LIMA1: variants seen among roughly 807,000 people sequenced by gnomAD.
The protein encoded by LIMA1 is LIM domain and actin binding 1.
A neutral mutation model predicts 62.6 loss-of-function variants in LIMA1; 52 were observed. The observed-to-expected ratio is 0.83, with a 90% CI of 0.67 to 1.05. LIMA1 has a LOEUF of 1.05. Ranked by LOEUF, LIMA1 falls within the 50% of genes least tolerant of loss-of-function variation. The pLI, the probability that LIMA1 is intolerant of heterozygous loss-of-function variation, is 0.00. For synonymous variants in LIMA1, 302 were observed against 317.8 expected (o/e 0.95, Z 0.53); for missense variants, 780 against 902.2 (o/e 0.86, Z 1.74).
chr12:50,196,727 A>G (rs962396928), intron 7 of LIMA1, among the ~76,000 whole-genome samples: 2 of 152,196 alleles, frequency 1.3e-5, no homozygotes, highest in African/African-American at 4.8e-5. Context: ...GATGTCTGAC[A>G]AACTGAATAG....
intron 4 of LIMA1, among the ~76,000 whole-genome samples, chr12:50,220,971 T>C (rs562068306): frequency 6.6e-6 from 1 of 152,324 alleles, no homozygotes; most frequent in South Asian, 2.1e-4. Context: ...CAAGAACTTT[T>C]CTAATTCTAA....
At chr12:50,212,317 C>T (rs934315308) in intron 4 of LIMA1, among the ~76,000 whole-genome samples, 2 of 152,128 alleles carry the variant, frequency 1.3e-5, no homozygotes, top group African/African-American at 2.4e-5. Context: ...TTCCTTTGGA[C>T]GCTGTCATCT....
At chr12:50,227,029 G>A (rs1941540348) in intron 3 of LIMA1, among the ~76,000 whole-genome samples, 1 of 149,526 alleles carries the variant, frequency 6.7e-6, no homozygotes. Flanking sequence ...TGTATATGAT[G>A]TTATTCATCC....
chr12:50,236,145 A>G lies in LIMA1; in HGVS notation c.120-4435T>C, dbSNP rs1262769243. ...GCACCACTGCACTCTGGCCTGGGTG[A>G]CAGAGCCAGACTCCATCTCAAAAAA... On this transcript the variant is annotated intron_variant, in intron 2 of 10. Coordinates refer to ENST00000341247, the MANE Select transcript of LIMA1 (RefSeq NM_016357.5). Among the ~76,000 whole-genome samples the G allele has an allele frequency of 2.6e-5, 4 of 152,024 alleles. No homozygotes were observed. In the East Asian group the frequency reaches 7.8e-4, roughly 30 times the overall value.
chr12:50,250,880 G>A (rs116883031), intron 1 of LIMA1, among the ~76,000 whole-genome samples: 1 of 152,208 alleles, frequency 6.6e-6, no homozygotes, highest in East Asian at 1.9e-4. Flanking sequence ...GTATTCTTAT[G>A]AGAAATAAAT....
At chr12:50,188,740 C>T (rs559918613) in intron 9 of LIMA1, 5 of 152,316 alleles carry the variant, frequency 3.3e-5, no homozygotes, top group Admixed American at 1.3e-4. Context: ...CCGCTCACCC[C>T]GTGGAACTTG....
At chr12:50,262,441 G>A (rs939110987) in intron 1 of LIMA1, among the ~76,000 whole-genome samples, 8 of 152,024 alleles carry the variant, frequency 5.3e-5, no homozygotes, top group Non-Finnish European at 1.2e-4. Flanking sequence ...CAACTCTAGT[G>A]TCAGAGGTTC....
chr12:50,246,231 C>CAAA (rs923214910), intron 2 of LIMA1, among the ~76,000 whole-genome samples: 2 of 51,388 alleles, frequency 3.9e-5, no homozygotes, highest in Admixed American at 2.1e-4. Flanking sequence ...GACTCCATCT[C>CAAA]AAAAAAAAAA....
intron 10 of LIMA1, among the ~76,000 whole-genome samples, chr12:50,181,013 G>A (rs1010998741): frequency 5.3e-5 from 8 of 150,992 alleles, no homozygotes; most frequent in Middle Eastern, 3.4e-3. Flanking sequence ...TTGGGAGGCT[G>A]AGGCAGGAGA....
intron 10 of LIMA1, among the ~76,000 whole-genome samples, chr12:50,181,365 A>C (rs915494665): frequency 1.3e-5 from 2 of 152,206 alleles, no homozygotes; most frequent in Non-Finnish European, 2.9e-5. Context: ...GTAAGACTCT[A>C]TGATTAAAAT....
chr12:50,254,641 C>G (rs1206379129), intron 1 of LIMA1, among the ~76,000 whole-genome samples: 1 of 152,166 alleles, frequency 6.6e-6, no homozygotes, highest in Admixed American at 6.5e-5. Flanking sequence ...GGGAAATCTG[C>G]CCCAGGTATC....
Position 50,248,780 on chromosome 12 carries a change from C to T in LIMA1, c.-23-6G>A. On this transcript the variant is annotated splice_region_variant and splice_polypyrimidine_tract_variant and intron_variant, in intron 1 of 10. Transcript: ENST00000341247. ...GTCTACAGACACTGAAATACCTATG[C>T]AATAAAGAAAGTCAGAACATTAGAC... 1.5e-6 allele frequency: 2 copies of T among 1,302,364 alleles called. No individual in the cohort carries two copies. The highest frequency in any genetic ancestry group is 2.2e-6 in the Non-Finnish European group (2 of 897,656). The allele number at this position is 1,302,364 out of a possible 1,614,324, so 80.7% of individuals were successfully genotyped here. A position where few individuals can be genotyped will look rare whatever the true frequency, so the allele number is the denominator to read the frequency against.
At chr12:50,268,934 C>G (rs1343621499) in intron 1 of LIMA1, among the ~76,000 whole-genome samples, 1 of 152,176 alleles carries the variant, frequency 6.6e-6, no homozygotes, top group African/African-American at 2.4e-5. Context: ...CTGGACCGGT[C>G]TTATCCTTTA....
At chr12:50,280,896 C>T (rs1455742215) in intron 1 of LIMA1, among the ~76,000 whole-genome samples, 2 of 152,142 alleles carry the variant, frequency 1.3e-5, no homozygotes, top group Non-Finnish European at 2.9e-5. Flanking sequence ...AAAAAACATA[C>T]AGTGAAAGAC....
chr12:50,249,516 A>C (rs1941898879), intron 1 of LIMA1, among the ~76,000 whole-genome samples: 1 of 152,134 alleles, frequency 6.6e-6, no homozygotes, highest in Non-Finnish European at 1.5e-5. Context: ...TTTATCAAGG[A>C]GAAGTATAAT....
chr12:50,177,522 C>A lies in LIMA1; in HGVS notation c.1822G>T (p.Val608Leu), dbSNP rs1451564301. Reference sequence around the variant, plus strand: ...CAGCCTTTCCTGATAGGTGGGGACACAGTTTTTGGGCTCTTGACAGAGGTG... The same window carrying A: ...CAGCCTTTCCTGATAGGTGGGGACAAAGTTTTTGGGCTCTTGACAGAGGTG... Reference protein sequence around the residue: ...QSTSVKSPKTVSPPIRKGWSM... With the variant: ...QSTSVKSPKTLSPPIRKGWSM... The change falls in exon 11 of 11, where the codon GTG becomes TTG. Residue 608 changes from valine to leucine, a missense_variant. By Grantham distance (32) the Val-to-Leu change is conservative. Coordinates refer to ENST00000341247, the MANE Select transcript of LIMA1 (RefSeq NM_016357.5). The A allele has an allele frequency of 1.2e-5, 20 of 1,611,888 alleles. No individual in the cohort carries two copies. Among genetic ancestry groups the A allele is most frequent in the Non-Finnish European group, 1.4e-5 (16 of 1,179,160 alleles).
chr12:50,181,799 C>G, intron 10 of LIMA1, 105 bp downstream of exon 10: 1 of 1,233,292 alleles, frequency 8.1e-7, no homozygotes, highest in Non-Finnish European at 1.1e-6. Flanking sequence ...GAGCCTTCAA[C>G]AGAATATCAT....
intron 4 of LIMA1, among the ~76,000 whole-genome samples, chr12:50,207,749 G>C (rs1377132514): frequency 6.6e-6 from 1 of 151,950 alleles, no homozygotes; most frequent in African/African-American, 2.4e-5. Flanking sequence ...AATTAGCCAG[G>C]TGTGGTGACA....
chr12:50,236,594 C>T (rs550003213), intron 2 of LIMA1, among the ~76,000 whole-genome samples: 19 of 151,666 alleles, frequency 1.3e-4, no homozygotes, highest in East Asian at 7.8e-4. Flanking sequence ...CCACCGCACC[C>T]GGCCGGAAAA....
Sources: allele counts gnomAD v4.1 joint callset (sites outside exome capture counted in the v4.1 genomes callset), GRCh38; gene constraint gnomAD v4.1.1; transcripts MANE v1.5; gene names NCBI Gene and HGNC (gene_info 2026-07-23, HGNC 2026-07-21).